BAIAP2: variants seen among roughly 807,000 people sequenced by gnomAD.
BAIAP2 encodes the protein BAR/IMD domain-containing adapter protein 2.
Under a neutral mutation model 63.0 loss-of-function variants are expected in BAIAP2, and 18 were observed. The observed-to-expected ratio is 0.29, with a 90% CI of 0.20 to 0.42. The LOEUF (loss-of-function observed/expected upper bound fraction) is 0.42, where lower values mean the gene tolerates loss of function less well. Ranked by LOEUF, BAIAP2 falls within the 10% of genes least tolerant of loss-of-function variation. The pLI is 1.00. For missense variants in BAIAP2, 610 were observed against 734.3 expected, an observed-to-expected ratio of 0.83 and a Z score of 1.96; for synonymous variants, 386 against 307.6, an observed-to-expected ratio of 1.25 and a Z score of -2.67.
intron 6 of BAIAP2, among the ~76,000 whole-genome samples, chr17:81,091,572 G>A (rs145994039): frequency 3.3e-4 from 50 of 152,302 alleles, no homozygotes; most frequent in African/African-American, 1.2e-3. Context: ...GACCATAGCA[G>A]TTGTCCCCAA....
At chr17:81,108,708 C>T in intron 13 of BAIAP2, 199 bp downstream of exon 13, 1 of 855,004 alleles carries the variant, frequency 1.2e-6, no homozygotes, top group African/African-American at 1.7e-5. Context: ...CTGGGCCCTG[C>T]CCCTCTTTCA....
chr17:81,106,910 C>T lies in BAIAP2; in HGVS notation c.1500+3C>T. On this transcript the variant is annotated splice_donor_region_variant and intron_variant, in intron 12 of 13. Transcript: ENST00000428708. ...TGGCCGTGCCCGCCTTCTCCCAGGT[C>T]AGTGGGCGGGGCCGGGGCTGGGAGG... 1.3e-6 allele frequency: 2 copies of T among 1,528,772 alleles called. No homozygotes were observed. Among genetic ancestry groups the T allele is most frequent in the South Asian group, 2.5e-5 (2 of 78,968 alleles). 94.7% of individuals were successfully genotyped at this position (1,528,772 alleles called of 1,614,324 possible). A position where few individuals can be genotyped will look rare whatever the true frequency, so the allele number is the denominator to read the frequency against.
chr17:81,108,692 A>T, intron 13 of BAIAP2, 183 bp downstream of exon 13: 1 of 882,530 alleles, frequency 1.1e-6, no homozygotes, highest in Non-Finnish European at 1.7e-6. Context: ...TGACACGGGA[A>T]CCCCCCTGGG....
At chr17:81,048,898 C>T (rs765057676) in intron 1 of BAIAP2, among the ~76,000 whole-genome samples, 6 of 152,214 alleles carry the variant, frequency 3.9e-5, no homozygotes, top group Non-Finnish European at 5.9e-5. Flanking sequence ...CCCGGCACTT[C>T]GCGGCATGCG....
In BAIAP2 at chr17:81,082,262, G is replaced by A. The variant is rs2054753072; in HGVS notation, c.218-2570G>A. ...ATAAGCACACCCGTGTACGGTTCAC[G>A]CTTGTGCGTGCCCACTCACATAGGT... is the stretch of plus-strand genomic sequence containing the variant. On this transcript the variant is annotated intron_variant, in intron 3 of 13. Transcript: ENST00000428708. 2.6e-5 allele frequency among the ~76,000 whole-genome samples: 4 copies of A among 152,176 alleles called. No homozygotes were observed. In the South Asian group the frequency reaches 6.2e-4, roughly 24 times the overall value.
intron 3 of BAIAP2, among the ~76,000 whole-genome samples, chr17:81,068,712 G>A (rs936236634): frequency 3.3e-5 from 5 of 152,184 alleles, no homozygotes; most frequent in African/African-American, 9.6e-5. Context: ...AGGCCACCTC[G>A]GTGGCTCCTT....
intron 1 of BAIAP2, among the ~76,000 whole-genome samples, chr17:81,035,812 G>A (rs920718285): frequency 1.3e-5 from 2 of 152,144 alleles, no homozygotes; most frequent in Non-Finnish European, 2.9e-5. Context: ...TCCTCCAGGC[G>A]CGGTTGCGCG....
chr17:81,050,294 C>T (rs1040099095), intron 1 of BAIAP2, among the ~76,000 whole-genome samples: 8 of 152,208 alleles, frequency 5.3e-5, no homozygotes, highest in South Asian at 2.1e-4. Flanking sequence ...TTGCGTGTCC[C>T]GGCCGCCGCC....
At chr17:81,110,444 T>G in intron 13 of BAIAP2, 1 of 994,536 alleles carries the variant, frequency 1.0e-6, no homozygotes. Flanking sequence ...TTCCTTTCCT[T>G]TTTTTTAAAA....
intron 7 of BAIAP2, 122 bp from the exon 8 acceptor site, chr17:81,103,380 A>C: frequency 1.1e-6 from 1 of 932,806 alleles, no homozygotes; most frequent in Non-Finnish European, 1.6e-6. Context: ...GCCGAGAGGT[A>C]CCACCTGGTG....
rs2058276265 is a variant in BAIAP2 at position 81,100,049 on chromosome 17, T to C, written c.611T>C (p.Val204Ala). The part of the protein sequence containing the change: ...FCFLVEKQCA[V>A]AKNSAAYHSK... ...TTCCTGGTGGAGAAGCAGTGCGCCG[T>C]GGCCAAGAACTCCGCGGCCTACCAC... is the stretch of plus-strand genomic sequence containing the variant. The change falls in exon 7 of 14, where the codon GTG (valine) becomes GCG (alanine). Residue 204 changes from valine (V) to alanine (A), a missense_variant. Transcript: ENST00000428708. The C allele has an allele frequency of 6.2e-7, 1 of 1,612,052 alleles. No individual in the cohort carries two copies. The highest frequency in any genetic ancestry group is 8.5e-7 in the Non-Finnish European group (1 of 1,179,822).
chr17:81,116,114 T>C lies in BAIAP2; in HGVS notation c.*275T>C. On this transcript the variant is annotated 3_prime_UTR_variant, in exon 14 of 14. Coordinates refer to ENST00000428708, the MANE Select transcript of BAIAP2 (RefSeq NM_001144888.2). ...GTACACGCCTCTGGTCACATGGCCA[T>C]GGAGCCTTGGGTACCCCTGAGTTAA... The C allele has an allele frequency of 6.4e-7, 1 of 1,561,758 alleles. No individual in the cohort carries two copies. Among genetic ancestry groups the C allele is most frequent in the Non-Finnish European group, 8.6e-7 (1 of 1,156,210 alleles).
At chr17:81,105,024 C>CT (rs2058972274) in intron 10 of BAIAP2, 1 of 281,114 alleles carries the variant, frequency 3.6e-6, no homozygotes, top group South Asian at 4.6e-5. Context: ...TGGCAGGTAT[C>CT]TCCCCCAATG....
chr17:81,109,117 G>T, intron 13 of BAIAP2: 2 of 1,460,784 alleles, frequency 1.4e-6, no homozygotes, highest in Non-Finnish European at 1.8e-6. Context: ...TTTTCCACCT[G>T]CCCCATGCCT....
chr17:81,040,680 T>C (rs9911098), intron 1 of BAIAP2, among the ~76,000 whole-genome samples: 139,055 of 152,346 alleles, frequency 0.91, 63,534 homozygotes, highest in African/African-American at 0.95. Flanking sequence ...TGCTGAGGGT[T>C]TGCTCCCCGG....
At position 81,115,985 on chromosome 17, in the gene BAIAP2, G is replaced by A. The variant is rs2060507453; in HGVS notation, c.*146G>A. The A allele has an allele frequency of 1.3e-5, 19 of 1,489,128 alleles. No homozygotes were observed. The highest frequency in any genetic ancestry group is 1.7e-5 in the Non-Finnish European group (19 of 1,120,172). 92.2% of individuals were successfully genotyped at this position (1,489,128 alleles called of 1,614,324 possible). A position where few individuals can be genotyped will look rare whatever the true frequency, so the allele number is the denominator to read the frequency against. Reference sequence around the variant, plus strand: ...CCCCACTTGAGTCTGGCCTGGACTGGATCCCAGCTGTTCTAGGCAGGGCCG... The same window carrying A: ...CCCCACTTGAGTCTGGCCTGGACTGAATCCCAGCTGTTCTAGGCAGGGCCG... On this transcript the variant is annotated 3_prime_UTR_variant, in exon 14 of 14. Transcript: ENST00000428708.
chr17:81,104,749 C>G (rs377546593), intron 10 of BAIAP2, 34 bp downstream of exon 10: 2 of 1,529,284 alleles, frequency 1.3e-6, no homozygotes, highest in Non-Finnish European at 8.8e-7. Context: ...TCCAGGCAGC[C>G]GCTGCCTTCA....
chr17:81,101,070 G>T (rs932659516), intron 7 of BAIAP2, among the ~76,000 whole-genome samples: 1 of 151,264 alleles, frequency 6.6e-6, no homozygotes, highest in Non-Finnish European at 1.5e-5. Context: ...CTGCGGCCCT[G>T]TGTCTCCCGC....
chr17:81,037,331 A>G (rs998463549), intron 1 of BAIAP2, among the ~76,000 whole-genome samples: 12 of 152,242 alleles, frequency 7.9e-5, no homozygotes, highest in Admixed American at 7.2e-4. Context: ...TGCCCTGGTG[A>G]CAGGCTTGCG....
Sources: gnomAD v4.1 joint callset for allele counts (sites outside exome capture counted in the v4.1 genomes callset) on GRCh38, gnomAD v4.1.1 for gene constraint, MANE v1.5 for transcripts, NCBI Gene and HGNC (gene_info 2026-07-23, HGNC 2026-07-21) for gene names.